The following PDZRN3 variants were observed in gnomAD, a reference collection of about 807,000 sequenced individuals.
PDZRN3 encodes the protein PDZ domain containing ring finger 3, also known as E3 ubiquitin-protein ligase PDZRN3.
A neutral mutation model predicts 85.7 loss-of-function variants in PDZRN3; 38 were observed. That is an observed-to-expected ratio of 0.44 (90% CI 0.34 to 0.58). PDZRN3 has a LOEUF of 0.58. Among genes scored for constraint, PDZRN3 ranks in the 20% least tolerant of loss-of-function variants. PDZRN3 has a pLI of 0.01. For synonymous variants in PDZRN3, 759 were observed against 638.0 expected, an observed-to-expected ratio of 1.19 and a Z score of -2.86; for missense variants, 1,629 against 1,506.4, an observed-to-expected ratio of 1.08 and a Z score of -1.35.
At chr3:73,398,944 T>TAA (rs1701695063) in intron 5 of PDZRN3, among the ~76,000 whole-genome samples, 1 of 152,158 alleles carries the variant, frequency 6.6e-6, no homozygotes, top group African/African-American at 2.4e-5. Context: ...AGAAAGCACG[T>TAA]AAGAGTTCTG....
chr3:73,624,746 T>C lies in PDZRN3; in HGVS notation c.80A>G (p.Asp27Gly). Residue 27 changes from aspartate (D) to glycine (G), a missense_variant, in exon 1 of 10, where the codon GAC (aspartate) becomes GGC (glycine). Asp to Gly is a moderately conservative substitution (Grantham distance 94). Coordinates refer to ENST00000263666, the MANE Select transcript of PDZRN3 (RefSeq NM_015009.3). The part of the protein sequence containing the change: ...KCALCHKVLE[D>G]PLTTPCGHVF... The stretch of plus-strand genomic sequence containing the variant: ...GTGGCCGCACGGCGTGGTCAGCGGG[T>C]CCTCCAGGACCTTGTGGCACAGCGC... 6.5e-7 allele frequency: 1 copy of C among 1,527,728 alleles called. No individual in the cohort carries two copies. Among genetic ancestry groups the C allele is most frequent in the Non-Finnish European group, 8.7e-7 (1 of 1,146,648 alleles). The allele number at this position is 1,527,728 out of a possible 1,614,324, so 94.6% of individuals were successfully genotyped here.
At chr3:73,473,633 T>C (rs1343744383) in intron 3 of PDZRN3, among the ~76,000 whole-genome samples, 2 of 152,226 alleles carry the variant, frequency 1.3e-5, no homozygotes, top group African/African-American at 4.8e-5. Flanking sequence ...CAATCTTCAC[T>C]ATAATCCTTT....
intron 3 of PDZRN3, among the ~76,000 whole-genome samples, chr3:73,416,691 T>G (rs532663687): frequency 6.6e-6 from 1 of 152,194 alleles, no homozygotes; most frequent in Admixed American, 6.5e-5. Context: ...ATCTTGTATC[T>G]CTGAAACTCT....
intron 3 of PDZRN3, among the ~76,000 whole-genome samples, chr3:73,487,474 G>A (rs544769136): frequency 6.6e-6 from 1 of 152,184 alleles, no homozygotes; most frequent in East Asian, 1.9e-4. Context: ...TATGTTTTCC[G>A]AGGGGTGGAC....
intron 2 of PDZRN3, among the ~76,000 whole-genome samples, chr3:73,605,389 A>G (rs1378936018): frequency 1.3e-5 from 2 of 152,152 alleles, no homozygotes; most frequent in African/African-American, 2.4e-5. Context: ...TTTTCATAGC[A>G]AGGGTACCTA....
At chr3:73,593,410 C>T (rs144121017) in intron 3 of PDZRN3, among the ~76,000 whole-genome samples, 65 of 152,152 alleles carry the variant, frequency 4.3e-4, no homozygotes, top group African/African-American at 1.5e-3. Context: ...TCTGTGGAGT[C>T]AGAACTCCCA....
intron 3 of PDZRN3, among the ~76,000 whole-genome samples, chr3:73,486,098 A>G (rs1479148353): frequency 1.3e-5 from 2 of 152,260 alleles, no homozygotes; most frequent in Non-Finnish European, 2.9e-5. Context: ...TAAAGCTGAC[A>G]GGAAGCTGGG....
chr3:73,407,983 G>A (rs535435032), intron 3 of PDZRN3: 6 of 597,916 alleles, frequency 1.0e-5, no homozygotes, highest in Non-Finnish European at 8.9e-6. Flanking sequence ...ACTGAGAAAT[G>A]CCCTGTCATC....
At chr3:73,523,010 T>TTTTGTTTG (rs369857452) in intron 3 of PDZRN3, among the ~76,000 whole-genome samples, 1 of 152,016 alleles carries the variant, frequency 6.6e-6, no homozygotes, top group Non-Finnish European at 1.5e-5. Context: ...GAAGAGTTTT[T>TTTTGTTTG]TTTGTTTGTT....
chr3:73,510,512 G>A (rs897341908), intron 3 of PDZRN3, among the ~76,000 whole-genome samples: 2 of 152,224 alleles, frequency 1.3e-5, no homozygotes, highest in Non-Finnish European at 2.9e-5. Flanking sequence ...AGAGGCCTGA[G>A]TCAGAAGGAA....
intron 3 of PDZRN3, among the ~76,000 whole-genome samples, chr3:73,537,616 A>G (rs904592356): frequency 6.6e-6 from 1 of 151,316 alleles, no homozygotes; most frequent in Admixed American, 6.6e-5. Flanking sequence ...CTTTTTTTTA[A>G]TTAAATTAAT....
intron 3 of PDZRN3, among the ~76,000 whole-genome samples, chr3:73,528,246 T>TA (rs1704570865): frequency 6.6e-6 from 1 of 152,202 alleles, no homozygotes; most frequent in South Asian, 2.1e-4. Flanking sequence ...AGTCCTGCTT[T>TA]AACTGGTGTG....
At position 73,527,558 on chromosome 3, in the gene PDZRN3, G is replaced by A. The variant is rs560326774; in HGVS notation, c.918+74796C>T. On this transcript the variant is annotated intron_variant, in intron 3 of 9. Coordinates refer to ENST00000263666, the MANE Select transcript of PDZRN3 (RefSeq NM_015009.3). ...GTACTAGAATCTGACTGTCAGCCTC[G>A]CTATTTCCAATTCCTAAATCTAGGA... Among the ~76,000 whole-genome samples, 89 of 151,960 alleles carry A rather than the reference G, an allele frequency of 5.9e-4. 1 individual carries two copies. The highest frequency in any genetic ancestry group is 2.0e-3 in the African/African-American group (82 of 41,436).
At chr3:73,464,353 T>C (rs891228155) in intron 3 of PDZRN3, among the ~76,000 whole-genome samples, 2 of 152,294 alleles carry the variant, frequency 1.3e-5, no homozygotes, top group East Asian at 1.9e-4. Flanking sequence ...GTGAGTAATA[T>C]CTTTTTTTGT....
chr3:73,421,975 C>G (rs1702213239), intron 3 of PDZRN3, among the ~76,000 whole-genome samples: 1 of 152,202 alleles, frequency 6.6e-6, no homozygotes. Flanking sequence ...GAGGAGAAAA[C>G]TGGGCGGAGT....
At chr3:73,413,038 C>T (rs941706893) in intron 3 of PDZRN3, among the ~76,000 whole-genome samples, 21 of 152,176 alleles carry the variant, frequency 1.4e-4, no homozygotes, top group African/African-American at 9.7e-5. Flanking sequence ...TATTTAAGTA[C>T]ATGCTTCATA....
intron 5 of PDZRN3, among the ~76,000 whole-genome samples, chr3:73,392,256 G>C (rs1257090339): frequency 6.6e-6 from 1 of 152,248 alleles, no homozygotes; most frequent in South Asian, 2.1e-4. Flanking sequence ...AGGGTGGCCA[G>C]GTGGCAGAGC....
intron 3 of PDZRN3, among the ~76,000 whole-genome samples, chr3:73,500,215 A>C (rs1703951385): frequency 6.6e-6 from 1 of 151,998 alleles, no homozygotes; most frequent in African/African-American, 2.4e-5. Flanking sequence ...CAGCTGGCTA[A>C]TTTTTAAATT....
At position 73,401,116 on chromosome 3, in the gene PDZRN3, G is replaced by A. The variant is rs753060650; in HGVS notation, c.1167-107C>T. 1.5e-4 allele frequency: 121 copies of A among 789,786 alleles called. 1 individual carries two copies. Among genetic ancestry groups the A allele is most frequent in the Non-Finnish European group, 2.1e-4 (92 of 447,954 alleles). 48.9% of individuals were successfully genotyped at this position (789,786 alleles called of 1,614,324 possible). ...CACAGTAGCAATTCCCAGGGTGTGG[G>A]CCCTTTCATGACTCACTTCCCTCTG... On this transcript the variant is annotated intron_variant, in intron 4 of 9. Coordinates refer to ENST00000263666, the MANE Select transcript of PDZRN3 (RefSeq NM_015009.3).
Sources: allele counts gnomAD v4.1 joint callset (sites outside exome capture counted in the v4.1 genomes callset), GRCh38; gene constraint gnomAD v4.1.1; transcripts MANE v1.5; gene names NCBI Gene and HGNC (gene_info 2026-07-23, HGNC 2026-07-21).